SAP130: variants seen among roughly 807,000 people sequenced by gnomAD.
The protein encoded by SAP130 is histone deacetylase complex subunit SAP130.
SAP130 carries 16 observed loss-of-function variants against 103.2 expected under a neutral mutation model. The ratio of observed to expected loss-of-function variants is 0.16; its 90% confidence interval spans 0.10 to 0.24. SAP130 has a LOEUF of 0.24. Among genes scored for constraint, SAP130 ranks in the 10% least tolerant of loss-of-function variants. The pLI, the probability that SAP130 is intolerant of heterozygous loss-of-function variation, is 1.00. For synonymous variants in SAP130, 477 were observed against 497.0 expected, an observed-to-expected ratio of 0.96 and a Z score of 0.53; for missense variants, 990 against 1,359.7, an observed-to-expected ratio of 0.73 and a Z score of 4.28.
intron 7 of SAP130, among the ~76,000 whole-genome samples, chr2:128,004,315 C>T (rs1168970479): frequency 6.7e-6 from 1 of 148,958 alleles, no homozygotes; most frequent in East Asian, 2.0e-4. Context: ...GTAGGGACAA[C>T]CAAACAGGGA....
chr2:127,946,417 T>C (rs1368520862), intron 18 of SAP130, among the ~76,000 whole-genome samples: 2 of 152,132 alleles, frequency 1.3e-5, no homozygotes, highest in African/African-American at 2.4e-5. Flanking sequence ...AACCCTTCTT[T>C]TTCTGTTTTT....
chr2:127,978,204 A>C, intron 14 of SAP130, 115 bp from the exon 15 acceptor site: 1 of 697,006 alleles, frequency 1.4e-6, no homozygotes, highest in Non-Finnish European at 2.5e-6. Context: ...CCCTACATTG[A>C]CTAAGTATTT....
intron 7 of SAP130, among the ~76,000 whole-genome samples, chr2:128,005,012 C>T (rs928189672): frequency 6.6e-6 from 1 of 152,196 alleles, no homozygotes; most frequent in Non-Finnish European, 1.5e-5. Context: ...TGGAACAAAA[C>T]ACACCAGAAG....
chr2:127,977,685 G>A (rs1681566030), intron 15 of SAP130, among the ~76,000 whole-genome samples: 1 of 152,144 alleles, frequency 6.6e-6, no homozygotes, highest in African/African-American at 2.4e-5. Context: ...AGGCAAATGG[G>A]AATCAGAGAG....
In SAP130 at chr2:127,998,632, T is replaced by C. The variant is rs553206159; in HGVS notation, c.1213+1109A>G. 9.8e-5 allele frequency among the ~76,000 whole-genome samples: 15 copies of C among 152,338 alleles called. No homozygotes were observed. The South Asian group carries it at 1.2e-3, about 13-fold the overall frequency. ...ATGACAGCATAAACCCCATGGAACA[T>C]AGGAATACATGTATGTACGTTTCCT... On this transcript the variant is annotated intron_variant, in intron 10 of 20. Coordinates refer to ENST00000643581, the MANE Select transcript of SAP130 (RefSeq NM_001330301.2).
chr2:127,954,577 A>G (rs748231683), intron 16 of SAP130, among the ~76,000 whole-genome samples: 3 of 152,224 alleles, frequency 2.0e-5, no homozygotes, highest in Non-Finnish European at 4.4e-5. Flanking sequence ...GTTTTTCAGC[A>G]ACACAAATCT....
intron 19 of SAP130, among the ~76,000 whole-genome samples, chr2:127,943,701 C>T (rs1678866627): frequency 6.6e-6 from 1 of 152,196 alleles, no homozygotes; most frequent in African/African-American, 2.4e-5. Flanking sequence ...TACATGAATG[C>T]AGTCTACCAG....
chr2:127,955,046 C>G lies in SAP130; in HGVS notation c.2362G>C (p.Val788Leu). ...TCTTCTTTCACTTTAATTTCAGGAA[C>G]GGGAGGGCCCAAGACGGAGGAAAGA... ...GSLSSVLGPP[V>L]PEIKVKEEVE... is the part of the protein sequence containing the mutation. The change falls in exon 16 of 21, where the codon GTT (valine) becomes CTT (leucine). Residue 788 changes from valine to leucine, a missense_variant. Transcript: ENST00000643581. This position sits in a 1 kb window ranked among gnomAD's most constrained non-coding sequence, Gnocchi z 4.9. 1 of 1,613,806 alleles carries G rather than the reference C, an allele frequency of 6.2e-7. No individual in the cohort carries two copies. Among genetic ancestry groups the G allele is most frequent in the Non-Finnish European group, 8.5e-7 (1 of 1,179,870 alleles).
chr2:127,968,429 T>G (rs1044500692), intron 15 of SAP130, among the ~76,000 whole-genome samples: 2 of 150,752 alleles, frequency 1.3e-5, no homozygotes, highest in African/African-American at 2.4e-5. Context: ...TTTTTTTTTT[T>G]TTTTTTTTTA....
intron 2 of SAP130, among the ~76,000 whole-genome samples, chr2:128,025,232 G>A (rs751892000): frequency 1.2e-4 from 19 of 152,132 alleles, no homozygotes; most frequent in Non-Finnish European, 2.1e-4. Flanking sequence ...CTGTTGTGGG[G>A]GGCTTCCCAT....
At chr2:127,948,140 T>C (rs1290179030) in intron 18 of SAP130, among the ~76,000 whole-genome samples, 2 of 152,068 alleles carry the variant, frequency 1.3e-5, no homozygotes, top group African/African-American at 2.4e-5. Context: ...GCCACTGCAT[T>C]CAAAGTGAGT....
intron 19 of SAP130, 81 bp downstream of exon 19, chr2:127,945,375 T>C (rs1049521957): frequency 2.1e-5 from 18 of 844,212 alleles, no homozygotes; most frequent in Non-Finnish European, 3.4e-5. Context: ...GAGTTACTTT[T>C]AAAAAGTTCT....
chr2:127,968,995 C>G (rs976193968), intron 15 of SAP130, among the ~76,000 whole-genome samples: 1 of 152,196 alleles, frequency 6.6e-6, no homozygotes, highest in African/African-American at 2.4e-5. Flanking sequence ...CCTAAAATAA[C>G]TTACTATTTA....
intron 11 of SAP130, among the ~76,000 whole-genome samples, chr2:127,993,634 C>T (rs2105040127): frequency 6.6e-6 from 1 of 152,300 alleles, no homozygotes; most frequent in Non-Finnish European, 1.5e-5. Context: ...ATGAACTACA[C>T]TCAACTCAAA....
Position 127,990,362 on chromosome 2 carries a change from A to G in SAP130, c.1478-496T>C, listed in dbSNP as rs543559608. 3.6e-4 allele frequency among the ~76,000 whole-genome samples: 53 copies of G among 146,046 alleles called. 1 individual carries two copies. The South Asian group carries it at 6.7e-3, about 18-fold the overall frequency. On this transcript the variant is annotated intron_variant, in intron 12 of 20. Coordinates refer to ENST00000643581, the MANE Select transcript of SAP130 (RefSeq NM_001330301.2). ...AACACCCCATCTACTGTGTATATTG[A>G]AAAAAAAAAAAGAAAACAAGAGCAT...
intron 18 of SAP130, 43 bp downstream of exon 18, chr2:127,949,826 C>A: frequency 6.3e-7 from 1 of 1,594,498 alleles, no homozygotes; most frequent in Non-Finnish European, 8.6e-7. Context: ...TAAGTTTACA[C>A]CAATTTCATG....
Position 128,027,994 on chromosome 2 carries a change from C to T in SAP130, c.-61G>A, listed in dbSNP as rs1344348081. The stretch of plus-strand genomic sequence containing the variant: ...CGCCTTGAGCTCGCTCCCGCGCGCT[C>T]TCCGTCTGTGGGGCCGACGTCCCCA... On this transcript the variant is annotated 5_prime_UTR_variant, in exon 1 of 21. Coordinates refer to ENST00000643581, the MANE Select transcript of SAP130 (RefSeq NM_001330301.2). 3.0e-6 allele frequency: 3 copies of T among 985,706 alleles called. No individual in the cohort carries two copies. Among genetic ancestry groups the T allele is most frequent in the African/African-American group, 1.7e-5 (1 of 57,250 alleles). 61.1% of individuals were successfully genotyped at this position (985,706 alleles called of 1,614,324 possible).
chr2:127,943,420 C>A (rs947756588), intron 19 of SAP130, among the ~76,000 whole-genome samples: 1 of 152,114 alleles, frequency 6.6e-6, no homozygotes, highest in African/African-American at 2.4e-5. Flanking sequence ...GACAGGGATA[C>A]GTTCTGAGAA....
chr2:127,957,737 A>C (rs1679945249), intron 15 of SAP130, among the ~76,000 whole-genome samples: 1 of 152,078 alleles, frequency 6.6e-6, no homozygotes, highest in African/African-American at 2.4e-5. Flanking sequence ...GATTACTATT[A>C]TTTTCTCTAT....
Sources: allele counts gnomAD v4.1 joint callset (sites outside exome capture counted in the v4.1 genomes callset), GRCh38; gene constraint gnomAD v4.1.1; non-coding constraint Gnocchi (gnomAD v3.1); transcripts MANE v1.5; gene names NCBI Gene and HGNC (gene_info 2026-07-23, HGNC 2026-07-21).